DIP2C: variants seen among roughly 807,000 people sequenced by gnomAD.
The protein encoded by DIP2C is DIP2 acetate--CoA ligase C (putative).
In DIP2C, 33 loss-of-function variants were observed where a neutral mutation model predicts 192.4. That is an observed-to-expected ratio of 0.17 (90% confidence interval 0.13 to 0.23). The LOEUF (loss-of-function observed/expected upper bound fraction) is 0.23, where lower values mean the gene tolerates loss of function less well. DIP2C is among the 10% of genes least tolerant of loss of function. The pLI, the probability that DIP2C is intolerant of heterozygous loss-of-function variation, is 1.00. For missense variants in DIP2C, 1,537 were observed against 2,110.1 expected, an observed-to-expected ratio of 0.73 and a Z score of 5.32; for synonymous variants, 979 against 864.1, an observed-to-expected ratio of 1.13 and a Z score of -2.33.
chr10:460,417 A>C (rs1249867672), intron 3 of DIP2C, among the ~76,000 whole-genome samples: 1 of 152,260 alleles, frequency 6.6e-6, no homozygotes, highest in African/African-American at 2.4e-5. Context: ...TATAAAGAGA[A>C]GATATGTACT....
At chr10:645,802 G>C (rs1210133984) in intron 1 of DIP2C, among the ~76,000 whole-genome samples, 1 of 152,130 alleles carries the variant, frequency 6.6e-6, no homozygotes, top group African/African-American at 2.4e-5. Context: ...CCCTAGGTTT[G>C]ACGTGTCACT....
chr10:437,112 G>T, intron 4 of DIP2C, among the ~76,000 whole-genome samples: 1 of 124,476 alleles, frequency 8.0e-6, no homozygotes, highest in African/African-American at 3.4e-5. Context: ...GACATGGTAG[G>T]GTGATATGCT....
chr10:566,976 CTT>C (rs753730178), intron 1 of DIP2C, among the ~76,000 whole-genome samples: 16 of 152,220 alleles, frequency 1.1e-4, no homozygotes, highest in East Asian at 1.9e-4. Flanking sequence ...GCTCAAATCT[CTT>C]TGAGATGAAC....
At chr10:496,049 C>G (rs1389395130) in intron 1 of DIP2C, among the ~76,000 whole-genome samples, 1 of 148,488 alleles carries the variant, frequency 6.7e-6, no homozygotes, top group Non-Finnish European at 1.5e-5. Context: ...CTACATTACT[C>G]TTAACACCCC....
intron 1 of DIP2C, among the ~76,000 whole-genome samples, chr10:541,782 T>C (rs1374657146): frequency 2.0e-5 from 3 of 151,236 alleles, no homozygotes; most frequent in Non-Finnish European, 4.4e-5. Flanking sequence ...AGCGTGACCC[T>C]TCACCTGACC....
At chr10:404,461 A>G (rs1424226469) in intron 9 of DIP2C, among the ~76,000 whole-genome samples, 1 of 152,122 alleles carries the variant, frequency 6.6e-6, no homozygotes, top group Non-Finnish European at 1.5e-5. Flanking sequence ...TGCCCACCTC[A>G]GCCTCTCGAA....
chr10:582,858 A>T (rs1481184500), intron 1 of DIP2C, among the ~76,000 whole-genome samples: 5 of 152,234 alleles, frequency 3.3e-5, no homozygotes, highest in African/African-American at 1.2e-4. Flanking sequence ...AGAAAATTAT[A>T]TACCTAAGTT....
chr10:367,224 T>G (rs186379201), intron 18 of DIP2C, among the ~76,000 whole-genome samples: 2 of 152,114 alleles, frequency 1.3e-5, no homozygotes, highest in Non-Finnish European at 2.9e-5. Flanking sequence ...GAGACCATCC[T>G]GGCTAACATG....
At chr10:520,125 G>A (rs1169675641) in intron 1 of DIP2C, among the ~76,000 whole-genome samples, 3 of 152,236 alleles carry the variant, frequency 2.0e-5, no homozygotes, top group Non-Finnish European at 4.4e-5. Context: ...ATGCAAGGAA[G>A]TTTAGAAGGT....
In DIP2C at chr10:484,836, A is replaced by G. The variant is rs781232885; in HGVS notation, c.157+1623T>C. ...CTGCGGTGCTGGCCACCCGCTCCCG[A>G]GCCGCAGCTTCTCGGACGTCGCACA... On this transcript the variant is annotated intron_variant, in intron 2 of 36. Transcript: ENST00000280886. 4.5e-5 allele frequency: 73 copies of G among 1,611,210 alleles called. No individual in the cohort carries two copies. In the Middle Eastern group the frequency reaches 8.2e-4, roughly 18 times the overall value.
intron 24 of DIP2C, among the ~76,000 whole-genome samples, chr10:354,868 T>C (rs1276812830): frequency 2.0e-5 from 3 of 151,388 alleles, no homozygotes; most frequent in Non-Finnish European, 4.4e-5. Flanking sequence ...GAACGAGAAG[T>C]CACAGGCAGT....
intron 1 of DIP2C, among the ~76,000 whole-genome samples, chr10:625,812 A>G (rs1167991205): frequency 1.3e-5 from 2 of 152,216 alleles, no homozygotes; most frequent in African/African-American, 2.4e-5. Flanking sequence ...CTGAAACTGC[A>G]TATTATAAAA....
chr10:435,320 G>C (rs972642928), intron 4 of DIP2C, among the ~76,000 whole-genome samples: 1 of 152,180 alleles, frequency 6.6e-6, no homozygotes, highest in African/African-American at 2.4e-5. Flanking sequence ...GAGTGCTCCT[G>C]CATATTTGAA....
intron 33 of DIP2C, among the ~76,000 whole-genome samples, chr10:286,979 G>A (rs751723050): frequency 2.6e-5 from 4 of 152,182 alleles, no homozygotes; most frequent in Non-Finnish European, 5.9e-5. Flanking sequence ...AAGTCTGCAG[G>A]TTTTCGTTAG....
At chr10:634,470 G>A (rs1854715363) in intron 1 of DIP2C, among the ~76,000 whole-genome samples, 1 of 152,222 alleles carries the variant, frequency 6.6e-6, no homozygotes, top group Admixed American at 6.5e-5. Flanking sequence ...TTCCAGGGAT[G>A]CCAAGTAAGT....
At chr10:617,821 G>GT (rs1853578531) in intron 1 of DIP2C, among the ~76,000 whole-genome samples, 1 of 151,940 alleles carries the variant, frequency 6.6e-6, no homozygotes, top group Non-Finnish European at 1.5e-5. Context: ...GTGGGTAACC[G>GT]CCCCCCCAGC....
At chr10:329,401 C>G (rs1249237396) in intron 30 of DIP2C, 32 bp downstream of exon 30, 2 of 1,591,946 alleles carry the variant, frequency 1.3e-6, no homozygotes, top group African/African-American at 2.7e-5. Flanking sequence ...TGTGGGCTCA[C>G]AGGGCACTGA....
At chr10:373,873 T>G (rs1961268213) in intron 17 of DIP2C, among the ~76,000 whole-genome samples, 1 of 152,224 alleles carries the variant, frequency 6.6e-6, no homozygotes, top group Non-Finnish European at 1.5e-5. Flanking sequence ...AACACCTGTT[T>G]CTTTGTTTGA....
chr10:499,916 A>AG (rs1213633218), intron 1 of DIP2C, among the ~76,000 whole-genome samples: 1 of 152,206 alleles, frequency 6.6e-6, no homozygotes, highest in Non-Finnish European at 1.5e-5. Flanking sequence ...TTAATAGCCT[A>AG]GGTGCTGACT....
Sources: gnomAD v4.1 joint callset for allele counts (sites outside exome capture counted in the v4.1 genomes callset) on GRCh38, gnomAD v4.1.1 for gene constraint, MANE v1.5 for transcripts, NCBI Gene and HGNC (gene_info 2026-07-23, HGNC 2026-07-21) for gene names.